The following SETD2 variants were observed in gnomAD, a reference collection of about 807,000 sequenced individuals.
SETD2 encodes SET domain containing 2, histone lysine methyltransferase, also known as histone-lysine N-methyltransferase SETD2.
In SETD2, 31 loss-of-function variants were observed where a neutral mutation model predicts 242.1. That is an observed-to-expected ratio of 0.13 (90% CI 0.10 to 0.17). The LOEUF (loss-of-function observed/expected upper bound fraction) is 0.17. Among genes scored for constraint, SETD2 ranks in the 10% least tolerant of loss-of-function variants. The probability of loss-of-function intolerance (pLI) is 1.00; values close to 1 mark genes in which losing one functional copy is unlikely to be tolerated. For synonymous variants in SETD2, 1,006 were observed against 1,066.5 expected (o/e 0.94, Z 1.11); for missense variants, 2,481 against 3,046.3 (o/e 0.81, Z 4.37).
intron 1 of SETD2, among the ~76,000 whole-genome samples, chr3:47,159,859 C>T (rs1053603822): frequency 3.3e-5 from 5 of 151,892 alleles, no homozygotes; most frequent in Non-Finnish European, 7.4e-5. Flanking sequence ...CCTGTAATCC[C>T]AGCTATTCAG....
intron 1 of SETD2, among the ~76,000 whole-genome samples, chr3:47,137,261 C>G (rs1172622462): frequency 6.6e-6 from 1 of 151,828 alleles, no homozygotes; most frequent in African/African-American, 2.4e-5. Flanking sequence ...AGCGTGATCT[C>G]GACTCACTGC....
At chr3:47,029,550 G>A (rs927282419) in intron 18 of SETD2, among the ~76,000 whole-genome samples, 1 of 151,322 alleles carries the variant, frequency 6.6e-6, no homozygotes, top group South Asian at 2.1e-4. Flanking sequence ...GAATACCTGG[G>A]ACTCTAACCC....
intron 6 of SETD2, 69 bp from the exon 7 acceptor site, chr3:47,103,492 C>CT: frequency 9.3e-7 from 1 of 1,070,776 alleles, no homozygotes; most frequent in Non-Finnish European, 1.5e-6. Flanking sequence ...ACCTGCAAAA[C>CT]TACATACATC....
At chr3:47,041,272 C>A in intron 17 of SETD2, 1 of 342,070 alleles carries the variant, frequency 2.9e-6, no homozygotes, top group Non-Finnish European at 5.9e-6. Context: ...TGGTTGTGCT[C>A]CAATAAAACT....
intron 12 of SETD2, among the ~76,000 whole-genome samples, chr3:47,070,168 T>C (rs923645909): frequency 6.6e-6 from 1 of 152,234 alleles, no homozygotes; most frequent in Non-Finnish European, 1.5e-5. Flanking sequence ...CGGCAGTTAA[T>C]GTACCACCAG....
At chr3:47,058,822 TCTCA>T (rs2040199008) in intron 14 of SETD2, among the ~76,000 whole-genome samples, 1 of 149,742 alleles carries the variant, frequency 6.7e-6, no homozygotes, top group Non-Finnish European at 1.5e-5. Flanking sequence ...TGAGATGGAG[TCTCA>T]CTCTGTTGCC....
At chr3:47,036,905 T>TTAAAAAAAAAAA (rs756624187) in intron 18 of SETD2, among the ~76,000 whole-genome samples, 3 of 117,906 alleles carry the variant, frequency 2.5e-5, no homozygotes, top group African/African-American at 7.2e-5. Context: ...CCGTCTCATT[T>TTAAAAAAAAAAA]AAAAAAAAAA....
rs559090586 is a variant in SETD2, at chr3:47,022,422, G to A, written c.7351-2582C>T. 4.6e-5 allele frequency among the ~76,000 whole-genome samples: 7 copies of A among 151,308 alleles called. No individual in the cohort carries two copies. In the East Asian group the frequency reaches 5.9e-4, roughly 13 times the overall value. ...GGAGGTTGAGGTTGGAGAGTTGCGC[G>A]AGCCTAGGAGGTTGAGGCTGCAGTG... On this transcript the variant is annotated intron_variant, in intron 18 of 20. Transcript: ENST00000409792.
chr3:47,120,528 G>T lies in SETD2; in HGVS notation c.4108C>A (p.Pro1370Thr), dbSNP rs1372739848. 1 of 1,613,852 alleles carries T rather than the reference G, an allele frequency of 6.2e-7. No homozygotes were observed. Among genetic ancestry groups the T allele is most frequent in the East Asian group, 2.2e-5 (1 of 44,882 alleles). The change falls in exon 3 of 21, where the codon CCT (proline) becomes ACT (threonine). Residue 1370 changes from proline to threonine, a missense_variant. Pro to Thr is a conservative substitution (Grantham distance 38, BLOSUM62 -1). Transcript: ENST00000409792. ...LQKDKGSVQA[P>T]EISSNSIKDT... ...TTAATGGAATTGCTGCTTATTTCAG[G>T]TGCTTGCACTGACCCCTTGTCTTTC...
chr3:47,124,385 A>C lies in SETD2; in HGVS notation c.251T>G (p.Leu84Trp), dbSNP rs1045286391. Residue 84 changes from leucine (L) to tryptophan (W), a missense_variant, in exon 3 of 21, where the codon TTG becomes TGG. Physicochemically the swap from Leu to Trp is moderately conservative, Grantham distance 61 (BLOSUM62 -2). Around this residue, in one of 17 missense-constraint regions of SETD2, gnomAD observed 334 missense variants for 374.5 expected, o/e 0.89. Coordinates refer to ENST00000409792, the MANE Select transcript of SETD2 (RefSeq NM_014159.7). ...AAGTGCAGTGAGAAACCTATTCTGC[A>C]AAGTTTTCTTTGTAAGGCTGAAGCT... ...SFSFSLTKKTLQNRFLTALGN... is the reference protein window; with the variant it reads ...SFSFSLTKKTWQNRFLTALGN... The C allele has an allele frequency of 6.4e-7, 1 of 1,551,976 alleles. No individual in the cohort carries two copies. The highest frequency in any genetic ancestry group is 2.0e-5 in the Admixed American group (1 of 51,000).
chr3:47,163,898 A>AGGCGGC lies in SETD2; in HGVS notation c.21_26dup (p.Pro9_Pro10dup). ...GGTCGTAGAAATCCCCCATCTTCGG[A>AGGCGGC]GGCGGCTGCGGCTGCAGCTGCTTCA... On this transcript the variant is annotated inframe_insertion, in exon 1 of 21. Coordinates refer to ENST00000409792, the MANE Select transcript of SETD2 (RefSeq NM_014159.7). The AGGCGGC allele has an allele frequency of 7.6e-7, 1 of 1,317,146 alleles. No homozygotes were observed. Among genetic ancestry groups the AGGCGGC allele is most frequent in the East Asian group, 2.8e-5 (1 of 35,258 alleles). 81.6% of individuals were successfully genotyped at this position (1,317,146 alleles called of 1,614,324 possible). A position where few individuals can be genotyped will look rare whatever the true frequency, so the allele number is the denominator to read the frequency against.
intron 15 of SETD2, among the ~76,000 whole-genome samples, chr3:47,055,494 G>A (rs1343502545): frequency 6.6e-6 from 1 of 151,512 alleles, no homozygotes; most frequent in East Asian, 1.9e-4. Context: ...ACTGCTTGAG[G>A]CCAGGAGTTC....
At chr3:47,116,891 C>T (rs1158322608) in intron 3 of SETD2, 137 bp from the exon 4 acceptor site, 3 of 605,476 alleles carry the variant, frequency 5.0e-6, no homozygotes, top group Non-Finnish European at 8.3e-6. Context: ...TCACCCAGGC[C>T]AGGGTGCAGT....
chr3:47,104,100 G>A (rs191467249), intron 6 of SETD2, among the ~76,000 whole-genome samples: 2 of 152,050 alleles, frequency 1.3e-5, no homozygotes, highest in Admixed American at 1.3e-4. Context: ...TCTGGGGTTA[G>A]GTCCCTAGAA....
intron 1 of SETD2, among the ~76,000 whole-genome samples, chr3:47,160,107 T>C (rs1575858780): frequency 6.6e-6 from 1 of 152,158 alleles, no homozygotes; most frequent in African/African-American, 2.4e-5. Context: ...TTCCCTCTTA[T>C]TGAAATGCCT....
intron 14 of SETD2, among the ~76,000 whole-genome samples, chr3:47,060,199 C>T (rs1255240443): frequency 2.0e-5 from 3 of 152,104 alleles, no homozygotes. Flanking sequence ...TAAAGCAAGG[C>T]TGCAGTGAGC....
In SETD2 at chr3:47,097,968, C is replaced by G. The variant is rs1224110613; in HGVS notation, c.5129G>C (p.Arg1710Pro). 1 of 1,613,750 alleles carries G rather than the reference C, an allele frequency of 6.2e-7. No homozygotes were observed. Among genetic ancestry groups the G allele is most frequent in the Non-Finnish European group, 8.5e-7 (1 of 1,179,780 alleles). Residue 1710 changes from arginine (R) to proline (P), a missense_variant, in exon 9 of 21, where the codon CGT (arginine) becomes CCT (proline). Arg to Pro is a moderately radical substitution (Grantham distance 103, BLOSUM62 -2). Transcript: ENST00000409792. Reference sequence around the variant, plus strand: ...ATGCAAACTTACTGAATCCTTCTTACGAGATCGTTCCTTCTTCATTTTCCC... The same window carrying G: ...ATGCAAACTTACTGAATCCTTCTTAGGAGATCGTTCCTTCTTCATTTTCCC... ...AGGKMKKERS[R>P]KKDSVDGELE...
At chr3:47,073,372 A>G (rs574229823) in intron 12 of SETD2, among the ~76,000 whole-genome samples, 13 of 152,320 alleles carry the variant, frequency 8.5e-5, no homozygotes, top group East Asian at 7.7e-4. Flanking sequence ...AATACTACTG[A>G]GCAATAAGGC....
intron 1 of SETD2, among the ~76,000 whole-genome samples, chr3:47,138,010 C>T (rs1398767789): frequency 6.6e-6 from 1 of 151,684 alleles, no homozygotes; most frequent in East Asian, 1.9e-4. Flanking sequence ...CTCGCTCTGT[C>T]GCCCAGGCTG....
Sources: gnomAD v4.1 joint callset for allele counts (sites outside exome capture counted in the v4.1 genomes callset) on GRCh38, gnomAD v4.1.1 for gene constraint, gnomAD v4.1.1 regional missense constraint, MANE v1.5 for transcripts, NCBI Gene and HGNC (gene_info 2026-07-23, HGNC 2026-07-21) for gene names.